Variants in RASA2 observed in about 807,000 individuals in gnomAD.
RASA2 encodes RAS p21 protein activator 2, also known as ras GTPase-activating protein 2.
In RASA2, 155 loss-of-function variants were observed where a neutral mutation model predicts 118.2. The observed-to-expected ratio is 1.31, with a 90% confidence interval of 1.15 to 1.50. RASA2 has a LOEUF of 1.50. Among genes scored for constraint, RASA2 ranks in the 40% most tolerant of loss-of-function variants. RASA2 has a pLI of 0.00. For synonymous variants in RASA2, 353 were observed against 349.1 expected, an observed-to-expected ratio of 1.01 and a Z score of -0.12; for missense variants, 1,016 against 1,009.6, an observed-to-expected ratio of 1.01 and a Z score of -0.09.
chr3:141,600,214 G>A (rs1410573188), intron 19 of RASA2: 8 of 458,746 alleles, frequency 1.7e-5, no homozygotes, highest in South Asian at 1.2e-4. Context: ...ATAAGGAATG[G>A]AGATGTGTAA....
chr3:141,537,038 C>T (rs1163207252), intron 4 of RASA2, among the ~76,000 whole-genome samples: 8 of 152,166 alleles, frequency 5.3e-5, no homozygotes, highest in Admixed American at 1.3e-4. Context: ...TGAGCCACTG[C>T]GCCCAGCCTC....
intron 1 of RASA2, among the ~76,000 whole-genome samples, chr3:141,494,712 T>C (rs1365121977): frequency 6.6e-6 from 1 of 152,214 alleles, no homozygotes; most frequent in Non-Finnish European, 1.5e-5. Flanking sequence ...AATTAAGTTA[T>C]AGGATCTCTT....
intron 2 of RASA2, among the ~76,000 whole-genome samples, chr3:141,515,898 C>CA (rs35995449): frequency 0.31 from 32,056 of 102,278 alleles, 4,621 homozygotes; most frequent in Non-Finnish European, 0.37. Flanking sequence ...GACTCTGTCT[C>CA]AAAAAAAAAA....
intron 1 of RASA2, 35 bp from the exon 2 acceptor site, chr3:141,512,128 A>G: frequency 7.1e-7 from 1 of 1,416,500 alleles, no homozygotes; most frequent in African/African-American, 1.4e-5. Context: ...GCAGTTGATG[A>G]TATTTAATAA....
At chr3:141,611,955 C>T (rs2083659420) in intron 23 of RASA2, among the ~76,000 whole-genome samples, 1 of 152,184 alleles carries the variant, frequency 6.6e-6, no homozygotes, top group Non-Finnish European at 1.5e-5. Context: ...CACCATACCA[C>T]TTCCCAGCTT....
At chr3:141,579,373 C>G (rs986556528) in intron 15 of RASA2, 39 of 152,046 alleles carry the variant, frequency 2.6e-4, no homozygotes, top group African/African-American at 9.4e-4. Context: ...AATGAAGGAG[C>G]AAAGATTCCT....
chr3:141,497,392 T>C (rs2151070318), intron 1 of RASA2, among the ~76,000 whole-genome samples: 1 of 152,082 alleles, frequency 6.6e-6, no homozygotes, highest in South Asian at 2.1e-4. Context: ...TATTTATATA[T>C]TATATTATCA....
At chr3:141,572,575 T>G (rs1295695406) in intron 11 of RASA2, 34 bp from the exon 12 acceptor site, 5 of 1,470,308 alleles carry the variant, frequency 3.4e-6, no homozygotes, top group Non-Finnish European at 4.8e-6. Flanking sequence ...AAACCTTTGT[T>G]TACTACATTT....
rs144308838 is a variant in RASA2 at position 141,578,052 on chromosome 3, A to G, written c.1590+946A>G. ...CTGATTTGTATAACAAATAATAACA[A>G]TAGTCCACATTTATTTAGTGCTTTG... On this transcript the variant is annotated intron_variant, in intron 15 of 23. Coordinates refer to ENST00000286364, the MANE Select transcript of RASA2 (RefSeq NM_006506.5). 5.9e-3 allele frequency among the ~76,000 whole-genome samples: 905 copies of G among 152,338 alleles called. 9 individuals are homozygous for G. The Middle Eastern group carries it at 0.071, about 12-fold the overall frequency.
At chr3:141,604,075 C>G (rs2083509129) in intron 19 of RASA2, among the ~76,000 whole-genome samples, 1 of 151,902 alleles carries the variant, frequency 6.6e-6, no homozygotes, top group African/African-American at 2.4e-5. Flanking sequence ...GTGGATGTGT[C>G]TTCAGCTCTC....
chr3:141,584,109 G>C lies in RASA2; in HGVS notation c.1753-1916G>C, dbSNP rs201374441. On this transcript the variant is annotated intron_variant, in intron 17 of 23. Coordinates refer to ENST00000286364, the MANE Select transcript of RASA2 (RefSeq NM_006506.5). Reference sequence around the variant, plus strand: ...GCACTTTGGGAGGCCGAGGCAGGTGGATCACAAGATCAGGAGTTCAAGACC... The same window carrying C: ...GCACTTTGGGAGGCCGAGGCAGGTGCATCACAAGATCAGGAGTTCAAGACC... 9.1e-4 allele frequency among the ~76,000 whole-genome samples: 138 copies of C among 152,096 alleles called. No individual in the cohort carries two copies. The East Asian group carries it at 0.012, about 13-fold the overall frequency.
intron 3 of RASA2, among the ~76,000 whole-genome samples, chr3:141,528,995 A>G (rs1387233202): frequency 6.6e-6 from 1 of 152,044 alleles, no homozygotes; most frequent in East Asian, 1.9e-4. Flanking sequence ...GAGGAAGGAA[A>G]TGCTTTGTAC....
chr3:141,551,522 A>G (rs535743161), intron 5 of RASA2, among the ~76,000 whole-genome samples: 13 of 152,264 alleles, frequency 8.5e-5, no homozygotes, highest in African/African-American at 3.1e-4. Context: ...TTCTCTGTGC[A>G]ACTTTCTTCC....
intron 5 of RASA2, among the ~76,000 whole-genome samples, chr3:141,546,924 A>G (rs994404321): frequency 1.3e-5 from 2 of 151,798 alleles, no homozygotes; most frequent in Non-Finnish European, 2.9e-5. Context: ...ATGGATATCT[A>G]TTTTTCCCAG....
intron 14 of RASA2, among the ~76,000 whole-genome samples, chr3:141,575,445 A>G (rs971555916): frequency 4.6e-5 from 7 of 152,276 alleles, no homozygotes; most frequent in Admixed American, 1.3e-4. Context: ...TTATATTTTT[A>G]AATAGTTAAA....
intron 19 of RASA2, among the ~76,000 whole-genome samples, chr3:141,604,908 A>C (rs575733594): frequency 1.3e-5 from 2 of 152,116 alleles, no homozygotes; most frequent in South Asian, 4.2e-4. Flanking sequence ...AGTATAACAA[A>C]AATATACATA....
At chr3:141,570,217 C>CTTTT (rs35327031) in intron 9 of RASA2, among the ~76,000 whole-genome samples, 1 of 145,804 alleles carries the variant, frequency 6.9e-6, no homozygotes, top group Non-Finnish European at 1.5e-5. Flanking sequence ...GTCTTATCTA[C>CTTTT]TTTTTTTTTT....
intron 3 of RASA2, among the ~76,000 whole-genome samples, chr3:141,524,373 A>G (rs1180795244): frequency 6.6e-6 from 1 of 152,160 alleles, no homozygotes; most frequent in Non-Finnish European, 1.5e-5. Context: ...GCTATAGGAG[A>G]CCACACAATG....
chr3:141,601,969 T>C (rs1417864736), intron 19 of RASA2, among the ~76,000 whole-genome samples: 1 of 152,242 alleles, frequency 6.6e-6, no homozygotes, highest in African/African-American at 2.4e-5. Context: ...AATTTCCATT[T>C]AGTTCTCTTT....
Sources: gnomAD v4.1 joint callset for allele counts (sites outside exome capture counted in the v4.1 genomes callset) on GRCh38, gnomAD v4.1.1 for gene constraint, MANE v1.5 for transcripts, NCBI Gene and HGNC (gene_info 2026-07-23, HGNC 2026-07-21) for gene names.